CMPK2: variants seen among roughly 807,000 people sequenced by gnomAD.
The protein encoded by CMPK2 is UMP-CMP kinase 2, mitochondrial.
CMPK2 carries 32 observed loss-of-function variants against 33.4 expected under a neutral mutation model. That is an observed-to-expected ratio of 0.96 (90% CI 0.72 to 1.29). The LOEUF is 1.29. CMPK2 is among the 50% of genes most tolerant of loss of function. The pLI, the probability that CMPK2 is intolerant of heterozygous loss-of-function variation, is 0.00. For synonymous variants in CMPK2, 299 were observed against 275.3 expected (o/e 1.09, Z -0.85); for missense variants, 672 against 616.0 (o/e 1.09, Z -0.96).
intron 3 of CMPK2, among the ~76,000 whole-genome samples, chr2:6,857,963 A>G (rs989695402): frequency 2.6e-5 from 4 of 152,122 alleles, no homozygotes. Context: ...CTTTATCAGA[A>G]ACATTCCAAT....
At chr2:6,863,435 C>T in intron 2 of CMPK2, 29 bp downstream of exon 2, 2 of 1,565,078 alleles carry the variant, frequency 1.3e-6, no homozygotes, top group South Asian at 1.1e-5. Flanking sequence ...AGTGTCATTG[C>T]CTATAACTAA....
chr2:6,851,819 T>C, intron 3 of CMPK2, 136 bp from the exon 4 acceptor site: 1 of 657,488 alleles, frequency 1.5e-6, no homozygotes. Context: ...TTAAATAAAA[T>C]TAAATTTTAT....
chr2:6,848,865 T>A lies in CMPK2; in HGVS notation c.*985A>T. The A allele has an allele frequency of 1.0e-6, 1 of 985,840 alleles. No individual in the cohort carries two copies. Among genetic ancestry groups the A allele is most frequent in the Non-Finnish European group, 1.2e-6 (1 of 829,930 alleles). 61.1% of individuals were successfully genotyped at this position (985,840 alleles called of 1,614,324 possible). A position where few individuals can be genotyped will look rare whatever the true frequency, so the allele number is the denominator to read the frequency against. ...ATGAGACATTCAAGTGCAAGATAATTTACCAAGAAATCCCACTCCAAGATC... is the reference window on the plus strand; with the variant it reads ...ATGAGACATTCAAGTGCAAGATAATATACCAAGAAATCCCACTCCAAGATC... On this transcript the variant is annotated 3_prime_UTR_variant, in exon 5 of 5. Coordinates refer to ENST00000256722, the MANE Select transcript of CMPK2 (RefSeq NM_207315.4).
intron 3 of CMPK2, among the ~76,000 whole-genome samples, chr2:6,855,432 C>T (rs1162555235): frequency 6.6e-6 from 1 of 151,902 alleles, no homozygotes; most frequent in South Asian, 2.1e-4. Context: ...CCATGCCTCC[C>T]ATATAGCCAT....
At position 6,865,200 on chromosome 2, in the gene CMPK2, G is replaced by A; in HGVS notation, c.497C>T (p.Ala166Val). 8 of 1,533,922 alleles carry A rather than the reference G, an allele frequency of 5.2e-6. No individual in the cohort carries two copies. The highest frequency in any genetic ancestry group is 7.0e-6 in the Non-Finnish European group (8 of 1,144,578). The change falls in exon 1 of 5, where the codon GCC becomes GTC. Residue 166 changes from alanine (A) to valine (V), a missense_variant. Coordinates refer to ENST00000256722, the MANE Select transcript of CMPK2 (RefSeq NM_207315.4). ...APRPHLGEFE[A>V]DPRGQLWQRL... ...CTGCCACAGCTGGCCGCGCGGGTCGGCCTCGAACTCGCCCAAGTGCGGGCG... is the reference window on the plus strand; with the variant it reads ...CTGCCACAGCTGGCCGCGCGGGTCGACCTCGAACTCGCCCAAGTGCGGGCG...
intron 3 of CMPK2, among the ~76,000 whole-genome samples, chr2:6,856,824 C>T (rs1464265269): frequency 6.6e-6 from 1 of 152,190 alleles, no homozygotes; most frequent in Non-Finnish European, 1.5e-5. Context: ...TGTGTGTGCC[C>T]TCATGCATTG....
chr2:6,856,129 C>A (rs1308237542), intron 3 of CMPK2, among the ~76,000 whole-genome samples: 1 of 152,162 alleles, frequency 6.6e-6, no homozygotes, highest in Admixed American at 6.5e-5. Flanking sequence ...ACCTGAACAG[C>A]CACAAACCCC....
chr2:6,859,472 G>T (rs1662809391), intron 3 of CMPK2, among the ~76,000 whole-genome samples: 1 of 152,178 alleles, frequency 6.6e-6, no homozygotes, highest in African/African-American at 2.4e-5. Flanking sequence ...TGTGGACCCA[G>T]GGTCCCTCTG....
Position 6,865,100 on chromosome 2 carries a change from C to A in CMPK2, c.597G>T (p.Pro199=), listed in dbSNP as rs1479471888. 2 of 1,502,238 alleles carry A rather than the reference C, an allele frequency of 1.3e-6. No homozygotes were observed. Among genetic ancestry groups the A allele is most frequent in the African/African-American group, 1.4e-5 (1 of 69,076 alleles). The allele number at this position is 1,502,238 out of a possible 1,614,324, so 93.1% of individuals were successfully genotyped here. A position where few individuals can be genotyped will look rare whatever the true frequency, so the allele number is the denominator to read the frequency against. Residue 199 remains proline (P), a synonymous_variant, in exon 1 of 5, where the codon CCG becomes CCT. Transcript: ENST00000256722. The part of the protein sequence containing the change: ...CAQVVPVPEP[P]LHPVVPDLPS... ...GCAAGTCTGGCACCACCGGGTGCAGCGGGGGCTCCGGGACGGGCACGACCT... is the reference window on the plus strand; with the variant it reads ...GCAAGTCTGGCACCACCGGGTGCAGAGGGGGCTCCGGGACGGGCACGACCT...
chr2:6,862,587 A>C (rs1178583354), intron 2 of CMPK2, among the ~76,000 whole-genome samples: 1 of 152,188 alleles, frequency 6.6e-6, no homozygotes, highest in African/African-American at 2.4e-5. Flanking sequence ...TGGTGTTACA[A>C]TTCCCTCTGC....
At chr2:6,847,188 C>T (rs1011479888), downstream of CMPK2, among the ~76,000 whole-genome samples, 1 of 152,068 alleles carries the variant, frequency 6.6e-6, no homozygotes, top group Admixed American at 6.6e-5. Context: ...CACCCTGGCC[C>T]AGGACCAATC....
chr2:6,854,393 T>C (rs1662622297), intron 3 of CMPK2, among the ~76,000 whole-genome samples: 1 of 152,228 alleles, frequency 6.6e-6, no homozygotes, highest in Non-Finnish European at 1.5e-5. Context: ...TAGATAATGG[T>C]ACTGTCTAAA....
At chr2:6,850,656 G>A (rs1662490463) in intron 4 of CMPK2, 2 of 734,008 alleles carry the variant, frequency 2.7e-6, no homozygotes, top group Non-Finnish European at 3.3e-6. Context: ...TACCTTCCTT[G>A]CAAATGTTCA....
intron 3 of CMPK2, among the ~76,000 whole-genome samples, chr2:6,858,737 T>C (rs947322373): frequency 4.6e-5 from 7 of 152,256 alleles, no homozygotes; most frequent in Non-Finnish European, 1.0e-4. Flanking sequence ...ATTAAACCTC[T>C]TTCTTTTGTA....
chr2:6,851,758 A>G (rs1662533668), intron 3 of CMPK2, 75 bp from the exon 4 acceptor site: 12 of 1,413,782 alleles, frequency 8.5e-6, no homozygotes, highest in Non-Finnish European at 1.2e-5. Flanking sequence ...AGCAGCCAGG[A>G]ATGATGAAAC....
downstream of CMPK2, among the ~76,000 whole-genome samples, chr2:6,844,586 G>A (rs1228892003): frequency 6.6e-6 from 1 of 152,148 alleles, no homozygotes; most frequent in Non-Finnish European, 1.5e-5. Context: ...TCATCTATGG[G>A]ATCATTGGCA....
intron 3 of CMPK2, among the ~76,000 whole-genome samples, chr2:6,860,615 C>A (rs776714183): frequency 2.0e-5 from 3 of 152,186 alleles, no homozygotes; most frequent in African/African-American, 7.2e-5. Context: ...GCCTCCCCAG[C>A]CCCATGGAAC....
rs895819605 is a variant in CMPK2 at position 6,861,169 on chromosome 2, C to A, written c.992+15G>T. On this transcript the variant is annotated intron_variant, in intron 3 of 4. Transcript: ENST00000256722. ...TAGGGAGAAAATGCCTAATTCAAGG[C>A]ATCTTTATACCTACCTGTCTACAAT... 6.2e-7 allele frequency: 1 copy of A among 1,603,322 alleles called. No individual in the cohort carries two copies. The highest frequency in any genetic ancestry group is 1.3e-5 in the African/African-American group (1 of 74,436).
At chr2:6,860,598 T>C (rs1042674111) in intron 3 of CMPK2, among the ~76,000 whole-genome samples, 4 of 152,204 alleles carry the variant, frequency 2.6e-5, no homozygotes, top group Admixed American at 6.5e-5. Context: ...TCCACCATGA[T>C]TGTGAGGCCT....
Sources: allele counts gnomAD v4.1 joint callset (sites outside exome capture counted in the v4.1 genomes callset), GRCh38; gene constraint gnomAD v4.1.1; transcripts MANE v1.5; gene names NCBI Gene and HGNC (gene_info 2026-07-23, HGNC 2026-07-21).